Variants in KPNA3 observed in about 807,000 individuals in gnomAD.
KPNA3 encodes the protein importin subunit alpha-4.
A neutral mutation model predicts 73.8 loss-of-function variants in KPNA3; 13 were observed. The observed-to-expected ratio is 0.18, with a 90% confidence interval of 0.11 to 0.28. The LOEUF (loss-of-function observed/expected upper bound fraction) is 0.28, where lower values mean the gene tolerates loss of function less well. Ranked by LOEUF, KPNA3 falls within the 10% of genes least tolerant of loss-of-function variation. KPNA3 has a pLI of 1.00. For synonymous variants in KPNA3, 186 were observed against 206.9 expected (o/e 0.90, Z 0.87); for missense variants, 360 against 618.1 (o/e 0.58, Z 4.43).
At chr13:49,755,784 C>A (rs1483793422) in intron 1 of KPNA3, among the ~76,000 whole-genome samples, 1 of 152,000 alleles carries the variant, frequency 6.6e-6, no homozygotes, top group Non-Finnish European at 1.5e-5. Flanking sequence ...AGGGAGACTC[C>A]ATCTCAAAAT....
intron 10 of KPNA3, among the ~76,000 whole-genome samples, chr13:49,714,797 T>C (rs1361341222): frequency 1.3e-5 from 2 of 152,024 alleles, no homozygotes; most frequent in Non-Finnish European, 2.9e-5. Flanking sequence ...ATATTAATAT[T>C]TGTAATTAAT....
At chr13:49,779,647 A>C (rs1271117708) in intron 1 of KPNA3, among the ~76,000 whole-genome samples, 1 of 152,156 alleles carries the variant, frequency 6.6e-6, no homozygotes, top group Non-Finnish European at 1.5e-5. Flanking sequence ...TAACAAATAA[A>C]AAACAAACGA....
chr13:49,726,415 T>C (rs1033309137), intron 6 of KPNA3, among the ~76,000 whole-genome samples: 2 of 152,192 alleles, frequency 1.3e-5, no homozygotes, highest in Admixed American at 1.3e-4. Flanking sequence ...ACAGGTATCA[T>C]GCATGGAAGG....
chr13:49,745,362 AT>A (rs71078886), intron 2 of KPNA3, among the ~76,000 whole-genome samples: 30,774 of 144,980 alleles, frequency 0.21, 3,769 homozygotes, highest in Non-Finnish European at 0.31. Context: ...CAAGACGGTA[AT>A]TTTTTTTTTT....
At chr13:49,735,208 C>T (rs1449421762) in intron 2 of KPNA3, among the ~76,000 whole-genome samples, 2 of 152,102 alleles carry the variant, frequency 1.3e-5, no homozygotes, top group Non-Finnish European at 2.9e-5. Flanking sequence ...CTGCAACCTC[C>T]ACCTCCCGGG....
chr13:49,788,070 G>A (rs902863172), intron 1 of KPNA3, among the ~76,000 whole-genome samples: 1 of 152,166 alleles, frequency 6.6e-6, no homozygotes, highest in South Asian at 2.1e-4. Flanking sequence ...AAGGGTTGTA[G>A]GCCTCAAGTT....
At chr13:49,736,252 A>G (rs960830632) in intron 2 of KPNA3, among the ~76,000 whole-genome samples, 7 of 152,160 alleles carry the variant, frequency 4.6e-5, no homozygotes, top group Non-Finnish European at 2.9e-5. Flanking sequence ...ACATTTATGA[A>G]ATGATATTAC....
chr13:49,767,065 A>G lies in KPNA3; in HGVS notation c.70-20072T>C, dbSNP rs145300625. On this transcript the variant is annotated intron_variant, in intron 1 of 16. Transcript: ENST00000261667. Reference sequence around the variant, plus strand: ...ATAGGTTTAGGACTAAACACAGGACATTATGTCCTAAGAGTTTAAAATTTT... The same window carrying G: ...ATAGGTTTAGGACTAAACACAGGACGTTATGTCCTAAGAGTTTAAAATTTT... Among the ~76,000 whole-genome samples the G allele has an allele frequency of 4.2e-3, 637 of 150,722 alleles. 2 individuals carry two copies. Among genetic ancestry groups the G allele is most frequent in the Non-Finnish European group, 7.6e-3 (519 of 67,890 alleles).
chr13:49,756,199 G>A (rs2897771), intron 1 of KPNA3, among the ~76,000 whole-genome samples: 64,927 of 151,968 alleles, frequency 0.43, 14,372 homozygotes, highest in South Asian at 0.59. Context: ...TCTTGAGCTC[G>A]GGAGACGGAG....
chr13:49,770,848 A>G (rs11148163), intron 1 of KPNA3, among the ~76,000 whole-genome samples: 38,834 of 148,028 alleles, frequency 0.26, 5,959 homozygotes, highest in Non-Finnish European at 0.34. Context: ...AAAAAAAAAA[A>G]AAAAGAAAAG....
At chr13:49,704,442 T>G (rs2407798) in intron 15 of KPNA3, among the ~76,000 whole-genome samples, 1 of 6,472 alleles carries the variant, frequency 1.5e-4, no homozygotes, top group Non-Finnish European at 2.6e-4. Context: ...AAAAAATAAA[T>G]AAATAAATAA....
At chr13:49,750,080 C>G (rs1055556001) in intron 1 of KPNA3, among the ~76,000 whole-genome samples, 6 of 152,210 alleles carry the variant, frequency 3.9e-5, no homozygotes, top group Admixed American at 6.5e-5. Flanking sequence ...AGTCATTCAC[C>G]CATTCAACAA....
At position 49,734,952 on chromosome 13, in the gene KPNA3, GAT is replaced by G. The variant is rs1452859311; in HGVS notation, c.115-1908_115-1907del. On this transcript the variant is annotated intron_variant, in intron 2 of 16. Coordinates refer to ENST00000261667, the MANE Select transcript of KPNA3 (RefSeq NM_002267.4). ...ATATATATATATAGAGAGAGAGATA[GAT>G]AGAGAGAGAGAGAGAGAGAGACATT... Among the ~76,000 whole-genome samples the G allele has an allele frequency of 9.9e-3, 1,143 of 115,572 alleles. 9 individuals are homozygous for G. Among genetic ancestry groups the G allele is most frequent in the African/African-American group, 0.032 (1,073 of 33,694 alleles). The allele number at this position is 115,572 out of a possible 152,430, so 75.8% of individuals were successfully genotyped here. A position where few individuals can be genotyped will look rare whatever the true frequency, so the allele number is the denominator to read the frequency against.
intron 1 of KPNA3, among the ~76,000 whole-genome samples, chr13:49,766,050 C>T (rs1378874644): frequency 6.6e-6 from 1 of 152,102 alleles, no homozygotes. Context: ...CTGTTTTCAC[C>T]TTATCTGTAG....
intron 2 of KPNA3, among the ~76,000 whole-genome samples, chr13:49,742,035 T>A (rs1954579004): frequency 6.6e-6 from 1 of 152,208 alleles, no homozygotes; most frequent in Non-Finnish European, 1.5e-5. Context: ...CATCTTATGT[T>A]TGCATTTTAA....
chr13:49,765,769 A>T (rs557340483), intron 1 of KPNA3, among the ~76,000 whole-genome samples: 11 of 152,314 alleles, frequency 7.2e-5, no homozygotes, highest in Admixed American at 4.6e-4. Flanking sequence ...TGCTGACATA[A>T]AATGTCAGAT....
intron 1 of KPNA3, among the ~76,000 whole-genome samples, chr13:49,754,829 A>G (rs982756421): frequency 3.9e-5 from 6 of 152,142 alleles, no homozygotes; most frequent in African/African-American, 1.4e-4. Context: ...ACCTCACTCA[A>G]TATGAAATAC....
chr13:49,732,872 T>C (rs545365818), intron 3 of KPNA3, 85 bp downstream of exon 3: 378 of 1,313,720 alleles, frequency 2.9e-4, no homozygotes, highest in Non-Finnish European at 3.9e-4. Flanking sequence ...ATTATCATTA[T>C]AAAGTTGGTC....
At chr13:49,779,525 C>A (rs1954924437) in intron 1 of KPNA3, among the ~76,000 whole-genome samples, 1 of 152,198 alleles carries the variant, frequency 6.6e-6, no homozygotes. Flanking sequence ...CCTTCCCCAA[C>A]AACTCCCTAC....
Sources: allele counts gnomAD v4.1 joint callset (sites outside exome capture counted in the v4.1 genomes callset), GRCh38; gene constraint gnomAD v4.1.1; transcripts MANE v1.5; gene names NCBI Gene and HGNC (gene_info 2026-07-23, HGNC 2026-07-21).